MCC: variants seen among roughly 807,000 people sequenced by gnomAD.
MCC encodes colorectal mutant cancer protein.
MCC carries 90 observed loss-of-function variants against 116.2 expected under a neutral mutation model. That is an observed-to-expected ratio of 0.77 (90% CI 0.65 to 0.92). The LOEUF (loss-of-function observed/expected upper bound fraction) is 0.92, where lower values mean the gene tolerates loss of function less well. Among genes scored for constraint, MCC ranks in the 40% least tolerant of loss-of-function variants. The probability of loss-of-function intolerance (pLI) is 0.00; values close to 1 mark genes in which losing one functional copy is unlikely to be tolerated. For missense variants in MCC, 1,516 were observed against 1,312.2 expected, an observed-to-expected ratio of 1.16 and a Z score of -2.40; for synonymous variants, 578 against 510.5, an observed-to-expected ratio of 1.13 and a Z score of -1.78.
rs150380958 is a variant in MCC at position 113,148,237 on chromosome 5, T to C, written c.741+3072A>G. ...CGTATTCAATTTGGGAAGATAGGAG[T>C]GTGCTGTTTTCAGCCAGTAAGTTTA... is the stretch of plus-strand genomic sequence containing the variant. On this transcript the variant is annotated intron_variant, in intron 4 of 18. Coordinates refer to ENST00000408903, the MANE Select transcript of MCC (RefSeq NM_001085377.2). Among the ~76,000 whole-genome samples, 823 of 152,292 alleles carry C rather than the reference T, an allele frequency of 5.4e-3. 4 individuals are homozygous for C. The highest frequency in any genetic ancestry group is 0.01 in the Admixed American group (157 of 15,312).
At chr5:113,070,852 A>G (rs576152998) in intron 12 of MCC, among the ~76,000 whole-genome samples, 8 of 152,204 alleles carry the variant, frequency 5.3e-5, no homozygotes, top group Non-Finnish European at 1.0e-4. Context: ...AAAAAAATCG[A>G]TATTTTGAGT....
intron 3 of MCC, among the ~76,000 whole-genome samples, chr5:113,181,888 G>C (rs1211819511): frequency 6.6e-6 from 1 of 152,132 alleles, no homozygotes; most frequent in East Asian, 1.9e-4. Flanking sequence ...GCCCAGGGGG[G>C]TTTTAACAGT....
chr5:113,068,008 T>A, intron 13 of MCC, 72 bp downstream of exon 13: 1 of 1,328,928 alleles, frequency 7.5e-7, no homozygotes, highest in Non-Finnish European at 1.1e-6. Context: ...TCAATGCCAG[T>A]TGCTGAGACA....
At position 113,143,259 on chromosome 5, in the gene MCC, C is replaced by T. The variant is rs750526696; in HGVS notation, c.843G>A (p.Glu281=). ...GCAGACGGTCTATCTTCTTGTTGAG[C>T]TCCGCAATGACGCTGTGGAGCTCTG... The part of the protein sequence containing the change: ...RITELHSVIA[E]LNKKIDRLQG... Residue 281 remains glutamate (E), a synonymous_variant, in exon 5 of 19, where the codon GAG becomes GAA. Transcript: ENST00000408903. The T allele has an allele frequency of 2.2e-5, 35 of 1,612,346 alleles. 1 individual carries two copies. In the South Asian group the frequency reaches 3.6e-4, roughly 17 times the overall value.
chr5:113,086,237 G>T (rs943955058), intron 8 of MCC, among the ~76,000 whole-genome samples: 1 of 152,222 alleles, frequency 6.6e-6, no homozygotes, highest in Non-Finnish European at 1.5e-5. Flanking sequence ...AAAGCTGAAT[G>T]AAGACAGTGG....
At chr5:113,374,495 A>G (rs536767557) in intron 2 of MCC, among the ~76,000 whole-genome samples, 48 of 152,306 alleles carry the variant, frequency 3.2e-4, no homozygotes, top group African/African-American at 1.1e-3. Context: ...GAGTATGCTG[A>G]AGGCAGAGGA....
At chr5:113,151,455 T>C in intron 3 of MCC, 33 bp from the exon 4 acceptor site, 10 of 1,192,726 alleles carry the variant, frequency 8.4e-6, no homozygotes, top group Non-Finnish European at 1.2e-5. Flanking sequence ...ATTAGAGTAT[T>C]GTAGCAGAGA....
At chr5:113,042,160 C>T (rs1208470349) in intron 17 of MCC, among the ~76,000 whole-genome samples, 4 of 151,758 alleles carry the variant, frequency 2.6e-5, no homozygotes, top group African/African-American at 7.3e-5. Context: ...AGAATTAATA[C>T]AGCAGACAAA....
At chr5:113,264,950 G>A (rs1283841584) in intron 3 of MCC, among the ~76,000 whole-genome samples, 1 of 152,106 alleles carries the variant, frequency 6.6e-6, no homozygotes, top group Non-Finnish European at 1.5e-5. Flanking sequence ...GCTGCGGCAG[G>A]AGAATCGCTT....
intron 1 of MCC, among the ~76,000 whole-genome samples, chr5:113,390,994 C>A (rs1769386775): frequency 6.8e-6 from 1 of 146,068 alleles, no homozygotes; most frequent in Non-Finnish European, 1.5e-5. Context: ...ATAATTAGGT[C>A]ATAAAAAGTA....
At chr5:113,040,270 TG>T (rs1331721865) in intron 17 of MCC, among the ~76,000 whole-genome samples, 3 of 151,768 alleles carry the variant, frequency 2.0e-5, no homozygotes, top group Non-Finnish European at 4.4e-5. Flanking sequence ...TGACAAGGGC[TG>T]GCCAGGTAAG....
chr5:113,341,244 T>A (rs1000764518), intron 2 of MCC, among the ~76,000 whole-genome samples: 1 of 152,072 alleles, frequency 6.6e-6, no homozygotes, highest in Non-Finnish European at 1.5e-5. Flanking sequence ...TTCTTTCTTT[T>A]TTTGAGGCAG....
intron 3 of MCC, among the ~76,000 whole-genome samples, chr5:113,228,044 GAGCCTGGGCTCA>G: frequency 6.6e-6 from 1 of 152,334 alleles, no homozygotes; most frequent in African/African-American, 2.4e-5. Flanking sequence ...TAGCCCCAAT[GAGCCTGGGCTCA>G]ATTAAACTTA....
chr5:113,237,275 A>G (rs1438718286), intron 3 of MCC, among the ~76,000 whole-genome samples: 9 of 152,220 alleles, frequency 5.9e-5, no homozygotes, highest in Admixed American at 5.9e-4. Context: ...TTTTACTTCT[A>G]CTTTTTAATG....
chr5:113,292,233 A>C (rs2150361493), intron 3 of MCC, among the ~76,000 whole-genome samples: 1 of 152,282 alleles, frequency 6.6e-6, no homozygotes, highest in African/African-American at 2.4e-5. Context: ...CTCTGTCTCC[A>C]AAAAATAAAT....
chr5:113,333,144 C>G (rs1200539668), intron 3 of MCC, among the ~76,000 whole-genome samples: 4 of 151,488 alleles, frequency 2.6e-5, no homozygotes, highest in African/African-American at 9.8e-5. Flanking sequence ...GTGTTTAAAC[C>G]AAAAAGAAGA....
chr5:113,486,855 T>A (rs975763035), intron 1 of MCC, among the ~76,000 whole-genome samples: 1 of 136,552 alleles, frequency 7.3e-6, no homozygotes, highest in African/African-American at 2.7e-5. Flanking sequence ...AAAAAAAAAA[T>A]TGTATCCAAA....
At chr5:113,092,360 C>T (rs927351415) in intron 8 of MCC, among the ~76,000 whole-genome samples, 7 of 152,220 alleles carry the variant, frequency 4.6e-5, no homozygotes, top group Non-Finnish European at 7.4e-5. Context: ...ATGCTGGAAG[C>T]GACAAGGAAG....
At position 113,264,171 on chromosome 5, in the gene MCC, G is replaced by A. The variant is rs140528338; in HGVS notation, c.627+76348C>T. On this transcript the variant is annotated intron_variant, in intron 3 of 18. Coordinates refer to ENST00000408903, the MANE Select transcript of MCC (RefSeq NM_001085377.2). ...CTGCTTCCTAAAGCCAGCACACTTC[G>A]CTGCTGCAATGCTTTTTTAATGCAG... 6.4e-4 allele frequency among the ~76,000 whole-genome samples: 98 copies of A among 152,288 alleles called. 3 individuals are homozygous for A. The highest frequency in any genetic ancestry group is 2.1e-3 in the African/African-American group (89 of 41,554).
Sources: allele counts gnomAD v4.1 joint callset (sites outside exome capture counted in the v4.1 genomes callset), GRCh38; gene constraint gnomAD v4.1.1; transcripts MANE v1.5; gene names NCBI Gene and HGNC (gene_info 2026-07-23, HGNC 2026-07-21).